The following LRRC8D variants were observed in gnomAD, a reference collection of about 807,000 sequenced individuals.
The protein encoded by LRRC8D is leucine rich repeat containing 8 VRAC subunit D, also known as volume-regulated anion channel subunit LRRC8D.
A neutral mutation model predicts 55.8 loss-of-function variants in LRRC8D; 20 were observed. That is an observed-to-expected ratio of 0.36 (90% CI 0.25 to 0.52). The LOEUF is 0.52. Ranked by LOEUF, LRRC8D falls within the 20% of genes least tolerant of loss-of-function variation. LRRC8D has a pLI of 0.93. For missense variants in LRRC8D, 651 were observed against 1,030.8 expected (o/e 0.63, Z 5.05); for synonymous variants, 352 against 377.0 (o/e 0.93, Z 0.77).
intron 2 of LRRC8D, among the ~76,000 whole-genome samples, chr1:89,926,734 AAAAT>A (rs1663573938): frequency 6.6e-6 from 1 of 152,178 alleles, no homozygotes; most frequent in Admixed American, 6.6e-5. Context: ...GGTTATTATG[AAAAT>A]AAATAGAGAT....
intron 2 of LRRC8D, among the ~76,000 whole-genome samples, chr1:89,923,357 A>G (rs1369859123): frequency 2.0e-5 from 3 of 152,264 alleles, no homozygotes; most frequent in Non-Finnish European, 4.4e-5. Context: ...ATCCCTTGAT[A>G]ACCATTTATA....
intron 2 of LRRC8D, among the ~76,000 whole-genome samples, chr1:89,855,681 C>G (rs1267590281): frequency 1.3e-5 from 2 of 152,188 alleles, no homozygotes; most frequent in Admixed American, 6.5e-5. Context: ...CCTCTTTGCT[C>G]TAGTTTCTTT....
chr1:89,901,582 T>A (rs1335328054), intron 2 of LRRC8D, among the ~76,000 whole-genome samples: 1 of 152,200 alleles, frequency 6.6e-6, no homozygotes, highest in East Asian at 1.9e-4. Context: ...CATTCTTTCA[T>A]GCCTGCCTCT....
At chr1:89,858,536 G>A (rs1450060967) in intron 2 of LRRC8D, among the ~76,000 whole-genome samples, 1 of 152,170 alleles carries the variant, frequency 6.6e-6, no homozygotes, top group Non-Finnish European at 1.5e-5. Flanking sequence ...GCATGACTTA[G>A]TGCAAACAGA....
At chr1:89,852,764 G>A (rs1217443667) in intron 2 of LRRC8D, among the ~76,000 whole-genome samples, 1 of 152,178 alleles carries the variant, frequency 6.6e-6, no homozygotes, top group African/African-American at 2.4e-5. Context: ...CCGAGATGGA[G>A]AAAGGACAGA....
chr1:89,935,481 C>T lies in LRRC8D; in HGVS notation c.2413C>T (p.Leu805=). ...GCTCTCCCAGCTCACTCAGCTGGAG[C>T]TGAAGGGGAACTGCTTGGACCGCCT... ...GQLSQLTQLE[L]KGNCLDRLPA... is the part of the protein sequence containing the mutation. The change falls in exon 3 of 3, where the codon CTG becomes TTG. Residue 805 remains leucine (L), a synonymous_variant. Coordinates refer to ENST00000337338, the MANE Select transcript of LRRC8D (RefSeq NM_001134479.2). The T allele has an allele frequency of 6.2e-7, 1 of 1,614,264 alleles. No homozygotes were observed. Among genetic ancestry groups the T allele is most frequent in the Non-Finnish European group, 8.5e-7 (1 of 1,180,044 alleles).
intron 2 of LRRC8D, among the ~76,000 whole-genome samples, chr1:89,915,403 C>T (rs775223069): frequency 3.9e-5 from 6 of 152,092 alleles, no homozygotes; most frequent in Non-Finnish European, 7.3e-5. Flanking sequence ...TATAATGATC[C>T]GTGTTTACTG....
chr1:89,893,933 C>G (rs1004373023), intron 2 of LRRC8D, among the ~76,000 whole-genome samples: 1 of 152,324 alleles, frequency 6.6e-6, no homozygotes, highest in African/African-American at 2.4e-5. Context: ...CCTGATAACT[C>G]TCATTAGAGC....
chr1:89,890,118 C>T (rs1029192222), intron 2 of LRRC8D, among the ~76,000 whole-genome samples: 16 of 152,102 alleles, frequency 1.1e-4, no homozygotes, highest in African/African-American at 3.6e-4. Context: ...AACCGGGAGG[C>T]GGAGCTTGGC....
chr1:89,924,193 A>G (rs529900472), intron 2 of LRRC8D, among the ~76,000 whole-genome samples: 1 of 152,374 alleles, frequency 6.6e-6, no homozygotes, highest in African/African-American at 2.4e-5. Context: ...CAAAGGTCTA[A>G]TATCTAGAAT....
At chr1:89,869,336 C>T (rs1661937735) in intron 2 of LRRC8D, among the ~76,000 whole-genome samples, 1 of 152,172 alleles carries the variant, frequency 6.6e-6, no homozygotes, top group Non-Finnish European at 1.5e-5. Flanking sequence ...CTTCGTGAAG[C>T]ATACGCAAGT....
intron 2 of LRRC8D, among the ~76,000 whole-genome samples, chr1:89,888,982 G>A (rs577086124): frequency 6.6e-6 from 1 of 152,274 alleles, no homozygotes; most frequent in South Asian, 2.1e-4. Flanking sequence ...CAAAGAAGTG[G>A]GTTATAATAC....
intron 2 of LRRC8D, among the ~76,000 whole-genome samples, chr1:89,903,915 A>G (rs1440984505): frequency 6.6e-6 from 1 of 152,188 alleles, no homozygotes; most frequent in Non-Finnish European, 1.5e-5. Context: ...CTGGTATCTG[A>G]TATTCACACA....
chr1:89,914,090 A>G (rs1486156566), intron 2 of LRRC8D, among the ~76,000 whole-genome samples: 1 of 152,258 alleles, frequency 6.6e-6, no homozygotes, highest in Non-Finnish European at 1.5e-5. Context: ...CTACCATGGT[A>G]AAAGGTCAGT....
chr1:89,877,952 C>T (rs1662188913), intron 2 of LRRC8D, among the ~76,000 whole-genome samples: 1 of 152,234 alleles, frequency 6.6e-6, no homozygotes, highest in Non-Finnish European at 1.5e-5. Flanking sequence ...TGGTGCCTTC[C>T]CTTTTATAGA....
At chr1:89,917,491 T>C (rs905945094) in intron 2 of LRRC8D, among the ~76,000 whole-genome samples, 2 of 152,188 alleles carry the variant, frequency 1.3e-5, no homozygotes, top group Non-Finnish European at 2.9e-5. Context: ...CATGTTCCTG[T>C]GACTCTTCAA....
At chr1:89,833,793 A>G (rs1020115600) in intron 1 of LRRC8D, 4 of 152,234 alleles carry the variant, frequency 2.6e-5, no homozygotes, top group Non-Finnish European at 4.4e-5. Flanking sequence ...TGGTTGGGGA[A>G]GGTTTGTGTT....
At chr1:89,823,733 C>T (rs1032657803) in intron 1 of LRRC8D, among the ~76,000 whole-genome samples, 8 of 152,190 alleles carry the variant, frequency 5.3e-5, no homozygotes, top group East Asian at 3.9e-4. Context: ...AGAGGATTCT[C>T]GTAGTAATCA....
intron 1 of LRRC8D, among the ~76,000 whole-genome samples, chr1:89,828,889 CGAGT>C (rs1211216874): frequency 2.0e-5 from 3 of 152,222 alleles, no homozygotes; most frequent in African/African-American, 7.2e-5. Flanking sequence ...AGCACTGCAA[CGAGT>C]TCTGCAGAAC....
Sources: gnomAD v4.1 joint callset for allele counts (sites outside exome capture counted in the v4.1 genomes callset) on GRCh38, gnomAD v4.1.1 for gene constraint, MANE v1.5 for transcripts, NCBI Gene and HGNC (gene_info 2026-07-23, HGNC 2026-07-21) for gene names.